EFCAB8: variants seen among roughly 807,000 people sequenced by gnomAD.
The protein encoded by EFCAB8 is EF-hand calcium-binding domain-containing protein 8.
In EFCAB8, 100 loss-of-function variants were observed where a neutral mutation model predicts 116.3. The ratio of observed to expected loss-of-function variants is 0.86; its 90% CI spans 0.73 to 1.02. EFCAB8 has a LOEUF of 1.02. Ranked by LOEUF, EFCAB8 falls within the 50% of genes least tolerant of loss-of-function variation. EFCAB8 has a pLI of 0.00. For missense variants in EFCAB8, 1,320 were observed against 1,416.9 expected (o/e 0.93, Z 1.10); for synonymous variants, 558 against 567.9 (o/e 0.98, Z 0.25).
Position 32,930,591 on chromosome 20 carries a change from C to T in EFCAB8, c.2606C>T (p.Thr869Met), listed in dbSNP as rs1427092565. 33 of 1,552,106 alleles carry T rather than the reference C, an allele frequency of 2.1e-5. No individual in the cohort carries two copies. Among genetic ancestry groups the T allele is most frequent in the Admixed American group, 5.9e-5 (3 of 50,982 alleles). Residue 869 changes from threonine (T) to methionine (M), a missense_variant, in exon 21 of 27, where the codon ACG (threonine) becomes ATG (methionine). Physicochemically the swap from Thr to Met is moderately conservative, Grantham distance 81. Coordinates refer to ENST00000400522, the MANE Select transcript of EFCAB8 (RefSeq NM_001143967.2). ...GATAAAAATGACTGGATCCTCATCA[C>T]GGGGGATTGTAAAGGATACATCAAG... ...ATDKNDWILI[T>M]GDCKGYIKIW...
chr20:32,894,804 C>T (rs1246300088), intron 9 of EFCAB8, among the ~76,000 whole-genome samples: 1 of 152,238 alleles, frequency 6.6e-6, no homozygotes, highest in African/African-American at 2.4e-5. Flanking sequence ...CTTCCCTGCC[C>T]TCCCTCACAG....
chr20:32,944,536 CTA>C (rs1298100223), intron 23 of EFCAB8, among the ~76,000 whole-genome samples: 1 of 152,078 alleles, frequency 6.6e-6, no homozygotes, highest in Non-Finnish European at 1.5e-5. Flanking sequence ...CTGTATTTTT[CTA>C]TGTGTTTACA....
At chr20:32,934,737 C>T (rs1302100703) in intron 22 of EFCAB8, among the ~76,000 whole-genome samples, 1 of 152,188 alleles carries the variant, frequency 6.6e-6, no homozygotes, top group Non-Finnish European at 1.5e-5. Flanking sequence ...GGCAGTTCCC[C>T]TGCTCATGCT....
At chr20:32,906,655 A>G in intron 12 of EFCAB8, 26 bp downstream of exon 12, 1 of 717,844 alleles carries the variant, frequency 1.4e-6, no homozygotes, top group Non-Finnish European at 2.6e-6. Context: ...GTCACCCAGA[A>G]GCTGCTGGGG....
At chr20:32,899,129 T>C (rs925748176) in intron 11 of EFCAB8, among the ~76,000 whole-genome samples, 2 of 152,098 alleles carry the variant, frequency 1.3e-5, no homozygotes, top group Non-Finnish European at 2.9e-5. Context: ...CTCACGCCAG[T>C]AATCCCAGCA....
At chr20:32,896,356 C>T (rs1285057643) in intron 9 of EFCAB8, 98 bp from the exon 10 acceptor site, 3 of 675,580 alleles carry the variant, frequency 4.4e-6, no homozygotes, top group East Asian at 2.7e-5. Context: ...TTGAGAAGCA[C>T]AGGAGTTGCA....
At chr20:32,859,932 G>A (rs879713531) in intron 1 of EFCAB8, among the ~76,000 whole-genome samples, 16 of 152,260 alleles carry the variant, frequency 1.1e-4, no homozygotes, top group Admixed American at 9.2e-4. Context: ...ATTCAGAATC[G>A]TGCATTGCCT....
chr20:32,901,322 A>T (rs1467556443), intron 11 of EFCAB8, among the ~76,000 whole-genome samples: 1 of 152,220 alleles, frequency 6.6e-6, no homozygotes, highest in African/African-American at 2.4e-5. Context: ...ATAGCTGATG[A>T]GCTAAATAAA....
intron 1 of EFCAB8, among the ~76,000 whole-genome samples, chr20:32,863,083 A>G (rs1984197877): frequency 6.6e-6 from 1 of 151,818 alleles, no homozygotes; most frequent in South Asian, 2.1e-4. Context: ...GATCAAGCCA[A>G]GCTGGCTCAG....
intron 14 of EFCAB8, 76 bp downstream of exon 14, chr20:32,908,488 A>G: frequency 8.0e-7 from 1 of 1,242,720 alleles, no homozygotes; most frequent in Non-Finnish European, 1.0e-6. Context: ...TGGGACACCC[A>G]AGGGGTGGCC....
intron 6 of EFCAB8, among the ~76,000 whole-genome samples, chr20:32,886,411 G>A (rs1485917451): frequency 6.6e-6 from 1 of 152,184 alleles, no homozygotes; most frequent in Admixed American, 6.5e-5. Context: ...AGCAGACGAG[G>A]AAAGCACTGC....
At chr20:32,876,481 C>T (rs1984980974) in intron 4 of EFCAB8, among the ~76,000 whole-genome samples, 2 of 152,110 alleles carry the variant, frequency 1.3e-5, no homozygotes, top group African/African-American at 4.8e-5. Flanking sequence ...TCATGTTTTT[C>T]TGGTTCTAAA....
At chr20:32,862,145 T>G (rs1410735498) in intron 1 of EFCAB8, among the ~76,000 whole-genome samples, 9 of 151,596 alleles carry the variant, frequency 5.9e-5, no homozygotes, top group Admixed American at 5.9e-4. Flanking sequence ...TTTTTTTTTT[T>G]TTTGAGACAG....
At chr20:32,862,246 T>G (rs1002796783) in intron 1 of EFCAB8, among the ~76,000 whole-genome samples, 3 of 151,822 alleles carry the variant, frequency 2.0e-5, no homozygotes, top group Non-Finnish European at 4.4e-5. Flanking sequence ...TTCTCCCACC[T>G]CAGCCTCCTG....
intron 22 of EFCAB8, among the ~76,000 whole-genome samples, chr20:32,942,272 G>T (rs750976591): frequency 1.3e-5 from 2 of 152,124 alleles, no homozygotes; most frequent in Non-Finnish European, 2.9e-5. Context: ...TTGTTTATTA[G>T]TGATGTTGAC....
Position 32,959,980 on chromosome 20 carries a change from CAGG to C in EFCAB8, c.3293_3294+1del. The C allele has an allele frequency of 6.4e-7, 1 of 1,551,548 alleles. No individual in the cohort carries two copies. On this transcript the variant is annotated splice_donor_variant and coding_sequence_variant, in exon 25 of 27. Transcript: ENST00000400522. LOFTEE classifies it high-confidence loss of function. ...GAACAAGTGGGAGTCCAGGGACAAG[CAGG>C]TGAGGCTGGGAGGGGAGCACAGGGA...
At position 32,909,897 on chromosome 20, in the gene EFCAB8, T is replaced by G. The variant is rs866405933; in HGVS notation, c.1523T>G (p.Leu508Arg). 8.0e-7 allele frequency: 1 copy of G among 1,249,842 alleles called. No individual in the cohort carries two copies. Among genetic ancestry groups the G allele is most frequent in the Middle Eastern group, 2.1e-4 (1 of 4,818 alleles). 77.4% of individuals were successfully genotyped at this position (1,249,842 alleles called of 1,614,324 possible). A position where few individuals can be genotyped will look rare whatever the true frequency, so the allele number is the denominator to read the frequency against. The part of the protein sequence containing the change: ...ARKRTTHCSP[L>R]CAVLYSKIFK... ...AAGAGGACCACTCATTGCTCACCCCTGTGTGCTGTCCTCTACAGCAAGATC... is the reference window on the plus strand; with the variant it reads ...AAGAGGACCACTCATTGCTCACCCCGGTGTGCTGTCCTCTACAGCAAGATC... Residue 508 changes from leucine to arginine, a missense_variant, in exon 15 of 27, where the codon CTG (leucine) becomes CGG (arginine). Leu to Arg is a moderately radical substitution (Grantham distance 102, BLOSUM62 -2). Transcript: ENST00000400522.
chr20:32,912,209 G>A (rs1014320093), intron 16 of EFCAB8, among the ~76,000 whole-genome samples: 2 of 152,106 alleles, frequency 1.3e-5, no homozygotes, highest in African/African-American at 4.8e-5. Context: ...GGTCGAGGCA[G>A]GGGGATCACC....
At chr20:32,910,760 T>G (rs1475029145) in intron 15 of EFCAB8, among the ~76,000 whole-genome samples, 1 of 144,520 alleles carries the variant, frequency 6.9e-6, no homozygotes, top group Non-Finnish European at 1.5e-5. Context: ...TTTTTTTTTT[T>G]GCCAGGGTCT....
Sources: gnomAD v4.1 joint callset for allele counts (sites outside exome capture counted in the v4.1 genomes callset) on GRCh38, gnomAD v4.1.1 for gene constraint, MANE v1.5 for transcripts, NCBI Gene and HGNC (gene_info 2026-07-23, HGNC 2026-07-21) for gene names.